MACF1: variants seen among roughly 807,000 people sequenced by gnomAD.
MACF1 encodes the protein microtubule actin crosslinking factor 1.
A neutral mutation model predicts 854.8 loss-of-function variants in MACF1; 193 were observed. The observed-to-expected ratio is 0.23, with a 90% CI of 0.20 to 0.25. MACF1 has a LOEUF of 0.25. Among genes scored for constraint, MACF1 ranks in the 10% least tolerant of loss-of-function variants. MACF1 has a pLI of 1.00. For missense variants in MACF1, 7,722 were observed against 8,929.1 expected (o/e 0.86, Z 5.45); for synonymous variants, 3,185 against 3,226.7 (o/e 0.99, Z 0.44).
intron 2 of MACF1, among the ~76,000 whole-genome samples, chr1:39,087,130 A>G (rs1210595102): frequency 6.6e-6 from 1 of 152,222 alleles, no homozygotes; most frequent in African/African-American, 2.4e-5. Flanking sequence ...GCAGGGGGGC[A>G]TGTCTGGGAG....
chr1:39,281,560 A>G (rs1645548022), intron 6 of MACF1, among the ~76,000 whole-genome samples: 8 of 151,122 alleles, frequency 5.3e-5, no homozygotes, highest in Admixed American at 5.3e-4. Flanking sequence ...GCATGATCAT[A>G]CTTCACTGCA....
At position 39,184,884 on chromosome 1, in the gene MACF1, A is replaced by G. The variant is rs1295933260; in HGVS notation, c.221-46298A>G. ...TAGGAGAGATGGCTTAGCAATATCA[A>G]TTGCTGCCTTTGTGCTTATAACTCG... On this transcript the variant is annotated intron_variant, in intron 2 of 93. Transcript: ENST00000361689. 3.9e-5 allele frequency among the ~76,000 whole-genome samples: 6 copies of G among 152,196 alleles called. No individual in the cohort carries two copies. The East Asian group carries it at 7.7e-4, about 20-fold the overall frequency.
intron 97 of MACF1, among the ~76,000 whole-genome samples, chr1:39,477,079 A>ACACT (rs1267820932): frequency 2.0e-4 from 3 of 15,138 alleles, no homozygotes; most frequent in Non-Finnish European, 4.2e-4. Context: ...ATATATATAT[A>ACACT]TATATATATA....
At chr1:39,100,626 G>A (rs927064344) in intron 2 of MACF1, among the ~76,000 whole-genome samples, 14 of 152,030 alleles carry the variant, frequency 9.2e-5, no homozygotes, top group African/African-American at 3.4e-4. Flanking sequence ...GGCTGAGGTG[G>A]GCAGATTACC....
intron 25 of MACF1, 92 bp from the exon 26 acceptor site, chr1:39,310,739 C>A: frequency 7.9e-7 from 1 of 1,273,566 alleles, no homozygotes; most frequent in Non-Finnish European, 1.1e-6. Flanking sequence ...CAGAAGATTC[C>A]CTAAATAAAG....
chr1:39,205,801 AT>A (rs1038357585), intron 1 of MACF1, among the ~76,000 whole-genome samples: 817 of 64,072 alleles, frequency 0.013, 5 homozygotes, highest in African/African-American at 0.042. Context: ...TAAAAAAAAA[AT>A]TTTTTTTTGT....
At chr1:39,296,457 C>T (rs1367215395) in intron 20 of MACF1, among the ~76,000 whole-genome samples, 1 of 151,738 alleles carries the variant, frequency 6.6e-6, no homozygotes, top group Non-Finnish European at 1.5e-5. Context: ...TGGCCGGGCA[C>T]CATGGCTCAC....
chr1:39,446,807 G>A (rs1249853309), intron 80 of MACF1, among the ~76,000 whole-genome samples: 1 of 152,118 alleles, frequency 6.6e-6, no homozygotes, highest in African/African-American at 2.4e-5. Flanking sequence ...ATGAGCTCTT[G>A]TTGTTGCCAT....
intron 89 of MACF1, among the ~76,000 whole-genome samples, chr1:39,455,844 A>G (rs1378062967): frequency 1.3e-5 from 2 of 152,216 alleles, no homozygotes; most frequent in African/African-American, 4.8e-5. Flanking sequence ...CTTAAGAGGC[A>G]AATACTATTT....
At chr1:39,106,709 C>CTAG (rs1642249213) in intron 2 of MACF1, among the ~76,000 whole-genome samples, 1 of 152,016 alleles carries the variant, frequency 6.6e-6, no homozygotes, top group Non-Finnish European at 1.5e-5. Context: ...AAACTTCAGC[C>CTAG]CCTATGACTG....
intron 43 of MACF1, 58 bp downstream of exon 43, chr1:39,351,076 C>A (rs1019002144): frequency 1.4e-4 from 175 of 1,283,820 alleles, no homozygotes; most frequent in Non-Finnish European, 1.9e-4. Flanking sequence ...GGTACCAACA[C>A]AAATAAAAGA....
intron 78 of MACF1, 79 bp downstream of exon 78, chr1:39,442,990 A>G (rs1644150178): frequency 7.2e-7 from 1 of 1,396,430 alleles, no homozygotes; most frequent in Non-Finnish European, 9.9e-7. Flanking sequence ...GAAGAGATCA[A>G]TTTGAAAAGC....
At chr1:39,295,707 G>T in intron 19 of MACF1, 80 bp from the exon 20 acceptor site, 3 of 1,006,974 alleles carry the variant, frequency 3.0e-6, no homozygotes, top group Non-Finnish European at 4.4e-6. Context: ...TAGCAGAGTT[G>T]TACTTGGAAA....
chr1:39,360,024 T>C (rs1159883528), intron 47 of MACF1, among the ~76,000 whole-genome samples: 1 of 39,822 alleles, frequency 2.5e-5, no homozygotes, highest in Non-Finnish European at 4.2e-5. Flanking sequence ...TATATATATA[T>C]ATATATATAT....
At chr1:39,434,742 A>G (rs995121703) in intron 69 of MACF1, 110 bp downstream of exon 69, 1 of 853,894 alleles carries the variant, frequency 1.2e-6, no homozygotes, top group African/African-American at 1.7e-5. Flanking sequence ...TACGAAGTTA[A>G]TTCTTAATCA....
chr1:39,337,929 C>G (rs920757957), intron 38 of MACF1, among the ~76,000 whole-genome samples: 2 of 152,064 alleles, frequency 1.3e-5, no homozygotes, highest in Non-Finnish European at 2.9e-5. Context: ...GCCGCCACGC[C>G]CAGCTAATTT....
intron 58 of MACF1, among the ~76,000 whole-genome samples, chr1:39,405,183 C>T (rs919402097): frequency 6.6e-6 from 1 of 152,090 alleles, no homozygotes; most frequent in African/African-American, 2.4e-5. Context: ...TCGTGTCATG[C>T]TATGTTGCTT....
chr1:39,272,489 A>C (rs1320983488), intron 6 of MACF1, among the ~76,000 whole-genome samples: 1 of 152,254 alleles, frequency 6.6e-6, no homozygotes, highest in African/African-American at 2.4e-5. Context: ...GACAGCTGGC[A>C]GTCCAATTGA....
chr1:39,093,305 C>CT lies in MACF1; in HGVS notation c.220+8894dup, dbSNP rs34921076. The stretch of plus-strand genomic sequence containing the variant: ...CCCAAGACATTCCCCTACTCCACTT[C>CT]TTTTTTTTTTTTTTTTTTTTTTTTT... On this transcript the variant is annotated intron_variant, in intron 2 of 93. Coordinates refer to the MACF1 transcript ENST00000361689. Among the ~76,000 whole-genome samples the CT allele has an allele frequency of 3.5e-3, 192 of 54,176 alleles. 13 individuals carry two copies. The highest frequency in any genetic ancestry group is 8.4e-3 in the African/African-American group (118 of 14,080). 35.5% of individuals were successfully genotyped at this position (54,176 alleles called of 152,430 possible).
Sources: allele counts gnomAD v4.1 joint callset (sites outside exome capture counted in the v4.1 genomes callset), GRCh38; gene constraint gnomAD v4.1.1; transcripts MANE v1.5; gene names NCBI Gene and HGNC (gene_info 2026-07-23, HGNC 2026-07-21).